MYRFL: variants seen among roughly 807,000 people sequenced by gnomAD.
The protein encoded by MYRFL is myelin regulatory factor like.
In MYRFL, 88 loss-of-function variants were observed where a neutral mutation model predicts 109.4. That is an observed-to-expected ratio of 0.80 (90% confidence interval 0.68 to 0.96). The LOEUF (loss-of-function observed/expected upper bound fraction) is 0.96. Ranked by LOEUF, MYRFL falls within the 40% of genes least tolerant of loss-of-function variation. MYRFL has a pLI of 0.00. For missense variants in MYRFL, 957 were observed against 954.9 expected (o/e 1.00, Z -0.03); for synonymous variants, 324 against 320.9 (o/e 1.01, Z -0.10).
chr12:69,847,907 T>C, intron 1 of MYRFL, among the ~76,000 whole-genome samples: 1 of 152,206 alleles, frequency 6.6e-6, no homozygotes, highest in East Asian at 1.9e-4. Context: ...TTTTTCTGTA[T>C]ATTTTTTGGT....
At chr12:69,903,885 C>G in intron 11 of MYRFL, 41 bp downstream of exon 11, 1 of 1,475,084 alleles carries the variant, frequency 6.8e-7, no homozygotes, top group Non-Finnish European at 9.0e-7. Context: ...CTCTGACACC[C>G]CAGTCAGGTT....
rs111651243 is a variant in MYRFL, at chr12:69,936,090, T to C, written c.1917-23T>C. 8.0e-6 allele frequency: 11 copies of C among 1,369,430 alleles called. No homozygotes were observed. The Admixed American group carries it at 1.8e-4, about 23-fold the overall frequency. 84.8% of individuals were successfully genotyped at this position (1,369,430 alleles called of 1,614,324 possible). On this transcript the variant is annotated intron_variant, in intron 16 of 24. Coordinates refer to ENST00000552032, the MANE Select transcript of MYRFL (RefSeq NM_182530.3). Reference sequence around the variant, plus strand: ...TCTGCCACATAATGTTTTTTTTTTTTTTTTTTTTTTTTTTTTTGACAGTGC... The same window carrying C: ...TCTGCCACATAATGTTTTTTTTTTTCTTTTTTTTTTTTTTTTTGACAGTGC...
chr12:69,879,865 G>C (rs941081447), intron 4 of MYRFL, among the ~76,000 whole-genome samples: 1 of 152,084 alleles, frequency 6.6e-6, no homozygotes, highest in Non-Finnish European at 1.5e-5. Context: ...TGGATCTAGA[G>C]AGTGCCAGAA....
chr12:69,860,803 A>G (rs946457957), intron 2 of MYRFL, among the ~76,000 whole-genome samples: 2 of 150,400 alleles, frequency 1.3e-5, no homozygotes, highest in Non-Finnish European at 3.0e-5. Context: ...GGTTAGTTAC[A>G]TATGTATACA....
chr12:69,889,421 A>G (rs1166940416), intron 6 of MYRFL, among the ~76,000 whole-genome samples: 1 of 152,016 alleles, frequency 6.6e-6, no homozygotes, highest in African/African-American at 2.4e-5. Context: ...CCTTATCTGA[A>G]ATGTTTGAGA....
intron 2 of MYRFL, among the ~76,000 whole-genome samples, chr12:69,873,827 T>A: frequency 7.6e-6 from 1 of 131,054 alleles, no homozygotes; most frequent in East Asian, 2.3e-4. Context: ...AGTCTGACAT[T>A]TAATTATTTG....
chr12:69,883,281 T>C (rs778135027), intron 5 of MYRFL, among the ~76,000 whole-genome samples: 5 of 152,188 alleles, frequency 3.3e-5, no homozygotes, highest in Non-Finnish European at 7.3e-5. Context: ...ACTTTAGAAA[T>C]CCTTTTGGCA....
chr12:69,927,596 T>C, intron 14 of MYRFL, 89 bp from the exon 15 acceptor site: 1 of 925,200 alleles, frequency 1.1e-6, no homozygotes, highest in Non-Finnish European at 1.6e-6. Context: ...AAGAAAGTCA[T>C]ATTGCTATGT....
intron 2 of MYRFL, among the ~76,000 whole-genome samples, chr12:69,871,792 C>T (rs990842593): frequency 6.6e-6 from 1 of 151,934 alleles, no homozygotes; most frequent in African/African-American, 2.4e-5. Flanking sequence ...TGAATCATTG[C>T]CTTGTTTTTA....
chr12:69,866,006 G>A (rs1449842930), intron 2 of MYRFL, among the ~76,000 whole-genome samples: 2 of 152,082 alleles, frequency 1.3e-5, no homozygotes, highest in Non-Finnish European at 1.5e-5. Context: ...TTTACAGATG[G>A]GGAGGATAAG....
intron 23 of MYRFL, 84 bp from the exon 24 acceptor site, chr12:69,958,165 A>G: frequency 1.6e-6 from 2 of 1,274,498 alleles, no homozygotes; most frequent in Non-Finnish European, 2.2e-6. Flanking sequence ...ACAGTCATTG[A>G]GGAAATGCTT....
rs1274815385 is a variant in MYRFL, at chr12:69,901,883, G to GT, written c.1183-1752dup. On this transcript the variant is annotated intron_variant, in intron 10 of 24. Transcript: ENST00000552032. ...CACCCCATTACATTCTTTCACTGCTGTTTTTTTTTGTTTTTTTTAAATTTT... is the reference window on the plus strand; with the variant it reads ...CACCCCATTACATTCTTTCACTGCTGTTTTTTTTTTGTTTTTTTTAAATTTT... 1.5e-3 allele frequency among the ~76,000 whole-genome samples: 110 copies of GT among 75,408 alleles called. 2 individuals are homozygous for GT. The highest frequency in any genetic ancestry group is 3.5e-3 in the African/African-American group (63 of 18,166). The allele number at this position is 75,408 out of a possible 152,430, so 49.5% of individuals were successfully genotyped here.
At chr12:69,831,307 C>G (rs143126198) in intron 1 of MYRFL, among the ~76,000 whole-genome samples, 18 of 152,116 alleles carry the variant, frequency 1.2e-4, no homozygotes, top group African/African-American at 4.1e-4. Flanking sequence ...ATGCTGTGAG[C>G]GAAGAGGTGA....
chr12:69,858,756 GT>G (rs1325480851), intron 2 of MYRFL, among the ~76,000 whole-genome samples: 1 of 151,536 alleles, frequency 6.6e-6, no homozygotes, highest in African/African-American at 2.4e-5. Flanking sequence ...CAATGTGGAC[GT>G]TTATCAATTT....
intron 1 of MYRFL, among the ~76,000 whole-genome samples, chr12:69,834,750 T>C (rs118141978): frequency 0.013 from 1,928 of 152,352 alleles, 16 homozygotes; most frequent in Non-Finnish European, 0.02. Context: ...CATGTTCACA[T>C]TAATTCCAGA....
chr12:69,927,027 C>A (rs1347659523), intron 14 of MYRFL, among the ~76,000 whole-genome samples: 2 of 137,120 alleles, frequency 1.5e-5, no homozygotes, highest in African/African-American at 5.5e-5. Context: ...TCACTGCAGC[C>A]TCCTTCTCCC....
chr12:69,946,476 C>T (rs1955843043), intron 19 of MYRFL: 2 of 151,890 alleles, frequency 1.3e-5, no homozygotes, highest in Non-Finnish European at 2.9e-5. Flanking sequence ...ACTTTTTGGC[C>T]CCGAGAATCC....
At chr12:69,909,845 T>G in intron 11 of MYRFL, 124 bp from the exon 12 acceptor site, 1 of 724,958 alleles carries the variant, frequency 1.4e-6, no homozygotes, top group Non-Finnish European at 2.2e-6. Flanking sequence ...GGAATCCACT[T>G]GAAGAAATTA....
chr12:69,856,813 A>G (rs1884318971), intron 2 of MYRFL, among the ~76,000 whole-genome samples: 1 of 151,940 alleles, frequency 6.6e-6, no homozygotes, highest in Admixed American at 6.6e-5. Flanking sequence ...TAGATATGTT[A>G]TTCATGAATA....
Sources: gnomAD v4.1 joint callset for allele counts (sites outside exome capture counted in the v4.1 genomes callset) on GRCh38, gnomAD v4.1.1 for gene constraint, MANE v1.5 for transcripts, NCBI Gene and HGNC (gene_info 2026-07-23, HGNC 2026-07-21) for gene names.